Variants in SULT1A2 observed in about 807,000 individuals in gnomAD.
SULT1A2 encodes the protein sulfotransferase 1A2.
A neutral mutation model predicts 36.0 loss-of-function variants in SULT1A2; 33 were observed. The ratio of observed to expected loss-of-function variants is 0.92; its 90% CI spans 0.69 to 1.22. SULT1A2 has a LOEUF of 1.22. SULT1A2 is among the 50% of genes most tolerant of loss of function. The pLI, the probability that SULT1A2 is intolerant of heterozygous loss-of-function variation, is 0.00. For missense variants in SULT1A2, 367 were observed against 383.2 expected, an observed-to-expected ratio of 0.96 and a Z score of 0.35; for synonymous variants, 138 against 144.5, an observed-to-expected ratio of 0.96 and a Z score of 0.32.
rs1298846848 is a variant in SULT1A2, at chr16:28,593,499, C to G, written c.442G>C (p.Val148Leu). ...SYYHFYHMAK[V>L]YPHPGTWESF... ...TCCCAGGTCCCAGGGTGAGGGTACA[C>G]TTTGGCCATGTGGTAGAAGTGGTAG... The change falls in exon 5 of 8, where the codon GTG (valine) becomes CTG (leucine). Residue 148 changes from valine to leucine, a missense_variant. By Grantham distance (32) the Val-to-Leu change is conservative. Transcript: ENST00000335715. 1.2e-6 allele frequency: 2 copies of G among 1,614,084 alleles called. No individual in the cohort carries two copies. Among genetic ancestry groups the G allele is most frequent in the Middle Eastern group, 1.6e-4 (1 of 6,084 alleles).
At position 28,594,105 on chromosome 16, in the gene SULT1A2, TTTG is replaced by T. The variant is rs1199469092; in HGVS notation, c.373-540_373-538del. On this transcript the variant is annotated intron_variant, in intron 4 of 7. Coordinates refer to ENST00000335715, the MANE Select transcript of SULT1A2 (RefSeq NM_001054.4). ...CTTTTTGTTGTGGTTTTTTTTTTTTTTTGGGGGGGGGGACTCTAGGTCTCAAAA... is the reference window on the plus strand; with the variant it reads ...CTTTTTGTTGTGGTTTTTTTTTTTTTGGGGGGGGGACTCTAGGTCTCAAAA... Among the ~76,000 whole-genome samples, 4 of 135,442 alleles carry T rather than the reference TTTG, an allele frequency of 3.0e-5. No homozygotes were observed. The East Asian group carries it at 6.3e-4, about 21-fold the overall frequency. The allele number at this position is 135,442 out of a possible 152,430, so 88.9% of individuals were successfully genotyped here. A position where few individuals can be genotyped will look rare whatever the true frequency, so the allele number is the denominator to read the frequency against.
Position 28,592,266 on chromosome 16 carries a change from T to C in SULT1A2, c.772A>G (p.Lys258Glu). 1 of 1,613,898 alleles carries C rather than the reference T, an allele frequency of 6.2e-7. No individual in the cohort carries two copies. The highest frequency in any genetic ancestry group is 8.5e-7 in the Non-Finnish European group (1 of 1,179,826). Residue 258 changes from lysine (K) to glutamate (E), a missense_variant, in exon 7 of 8, where the codon AAA (lysine) becomes GAA (glutamate). Lys to Glu is a moderately conservative substitution (Grantham distance 56, BLOSUM62 1). Coordinates refer to ENST00000335715, the MANE Select transcript of SULT1A2 (RefSeq NM_001054.4). ...MDHSISPFMR[K>E]GMAGDWKTTF... is the part of the protein sequence containing the mutation. ...CCCCGTGCTGGCCGGCACCTACCTTTCCTCATGAAGGGGGAGATGCTGTGG... is the reference window on the plus strand; with the variant it reads ...CCCCGTGCTGGCCGGCACCTACCTTCCCTCATGAAGGGGGAGATGCTGTGG...
chr16:28,592,370 ATGAGGTC>A lies in SULT1A2; in HGVS notation c.661_667del (p.Asp221TrpfsTer10). On this transcript the variant is annotated frameshift_variant, in exon 7 of 8. Transcript: ENST00000335715. LOFTEE classifies it high-confidence loss of function. ...CTCCTTGAACGACGTGTGCTCAACC[ATGAGGTC>A]CACAGTCTCCTCTGGCAGGGAGCGC... The A allele has an allele frequency of 6.2e-7, 1 of 1,614,014 alleles. No homozygotes were observed.
In SULT1A2 at chr16:28,596,164, C is replaced by A. The variant is rs11569774; in HGVS notation, c.-4-230G>T. 3.7e-5 allele frequency: 50 copies of A among 1,356,736 alleles called. No individual in the cohort carries two copies. The African/African-American group carries it at 6.4e-4, about 17-fold the overall frequency. 84.0% of individuals were successfully genotyped at this position (1,356,736 alleles called of 1,614,324 possible). On this transcript the variant is annotated intron_variant, in intron 1 of 7. Transcript: ENST00000335715. ...ATTCACCTGCGGAGCTGTTCAAAAT[C>A]CCAGGGCCTGGGCCATGGTGCAGAC...
At chr16:28,593,715 T>G (rs1288910483) in intron 4 of SULT1A2, 147 bp from the exon 5 acceptor site, 19 of 1,472,086 alleles carry the variant, frequency 1.3e-5, no homozygotes, top group Middle Eastern at 1.8e-4. Flanking sequence ...CAAGTCAGGA[T>G]CTGAACCCTG....
At position 28,595,610 on chromosome 16, in the gene SULT1A2, G is replaced by C. The variant is rs759963275; in HGVS notation, c.214C>G (p.Arg72Gly). 33 of 1,614,032 alleles carry C rather than the reference G, an allele frequency of 2.0e-5. No homozygotes were observed. Among genetic ancestry groups the C allele is most frequent in the Non-Finnish European group, 2.7e-5 (32 of 1,180,024 alleles). ...YQGGDLEKCH[R>G]APIFMRVPFL... The stretch of plus-strand genomic sequence containing the variant: ...GGCACCCGCATGAAGATGGGAGCTC[G>C]GTGACACTTTTCCAGGTCACCGCCC... Residue 72 changes from arginine to glycine, a missense_variant, in exon 3 of 8, where the codon CGA (arginine) becomes GGA (glycine). Arg to Gly is a moderately radical substitution (Grantham distance 125). Coordinates refer to ENST00000335715, the MANE Select transcript of SULT1A2 (RefSeq NM_001054.4).
At chr16:28,596,184 G>A (rs1400320674) in intron 1 of SULT1A2, 45 of 1,367,762 alleles carry the variant, frequency 3.3e-5, no homozygotes, top group Middle Eastern at 2.7e-4. Flanking sequence ...GGGCCATGGT[G>A]CAGACCAGTG....
chr16:28,596,339 C>A, intron 1 of SULT1A2: 6 of 1,137,132 alleles, frequency 5.3e-6, no homozygotes, highest in Non-Finnish European at 6.5e-6. Flanking sequence ...CCTGCTGGGA[C>A]CCCCAGCCTC....
At chr16:28,595,266 T>C (rs966645848) in intron 4 of SULT1A2, 101 bp downstream of exon 4, 1 of 1,495,040 alleles carries the variant, frequency 6.7e-7, no homozygotes, top group Non-Finnish European at 9.0e-7. Flanking sequence ...GTTTTTTTTT[T>C]GGAAGAGACT....
At chr16:28,592,627 C>T (rs1327725353) in intron 6 of SULT1A2, 184 bp from the exon 7 acceptor site, 45 of 1,192,564 alleles carry the variant, frequency 3.8e-5, no homozygotes, top group Non-Finnish European at 5.0e-5. Context: ...CCTGTGATCC[C>T]ATCATGAGCT....
At position 28,593,613 on chromosome 16, in the gene SULT1A2, C is replaced by G. The variant is rs540944763; in HGVS notation, c.373-45G>C. 8.1e-6 allele frequency: 13 copies of G among 1,611,676 alleles called. No individual in the cohort carries two copies. The African/African-American group carries it at 1.3e-4, about 17-fold the overall frequency. On this transcript the variant is annotated intron_variant, in intron 4 of 7. Coordinates refer to ENST00000335715, the MANE Select transcript of SULT1A2 (RefSeq NM_001054.4). Reference sequence around the variant, plus strand: ...AACCCCAGCACCATCACCACACAGCCTGCCCCAGGCCAGCTCATCTCTTGG... The same window carrying G: ...AACCCCAGCACCATCACCACACAGCGTGCCCCAGGCCAGCTCATCTCTTGG...
At chr16:28,593,622 G>T in intron 4 of SULT1A2, 54 bp from the exon 5 acceptor site, 1 of 1,607,976 alleles carries the variant, frequency 6.2e-7, no homozygotes. Context: ...CCTGCCCCAG[G>T]CCAGCTCATC....
At position 28,595,905 on chromosome 16, in the gene SULT1A2, C is replaced by T. The variant is rs762665022; in HGVS notation, c.26G>A (p.Arg9His). The change falls in exon 2 of 8, where the codon CGC becomes CAC. Residue 9 changes from arginine (R) to histidine (H), a missense_variant. Arg to His is a conservative substitution (Grantham distance 29). Coordinates refer to ENST00000335715, the MANE Select transcript of SULT1A2 (RefSeq NM_001054.4). ...CCCCTTCACGTACTCCAGTGGCGGGCGAGAGATGTCCTGGATCAGCTCCAT... is the reference window on the plus strand; with the variant it reads ...CCCCTTCACGTACTCCAGTGGCGGGTGAGAGATGTCCTGGATCAGCTCCAT... MELIQDIS[R>H]PPLEYVKGVP... 14 of 1,594,748 alleles carry T rather than the reference C, an allele frequency of 8.8e-6. No individual in the cohort carries two copies. The highest frequency in any genetic ancestry group is 2.2e-4 in the Middle Eastern group (1 of 4,446).
rs1460668242 is a variant in SULT1A2, at chr16:28,592,672, C to G, written c.595-229G>C. On this transcript the variant is annotated intron_variant, in intron 6 of 7. Coordinates refer to ENST00000335715, the MANE Select transcript of SULT1A2 (RefSeq NM_001054.4). ...TCCTATGGGTAAGGACTGGGATGGT[C>G]TTCTTCCGTGCCTGTGGCCCTGGGT... Among the ~76,000 whole-genome samples, 18 of 152,144 alleles carry G rather than the reference C, an allele frequency of 1.2e-4. No individual in the cohort carries two copies. The East Asian group carries it at 3.5e-3, about 29-fold the overall frequency.
At position 28,592,041 on chromosome 16, in the gene SULT1A2, C is replaced by T. The variant is rs375140568; in HGVS notation, c.875G>A (p.Arg292His). 18 of 1,611,672 alleles carry T rather than the reference C, an allele frequency of 1.1e-5. No individual in the cohort carries two copies. Among genetic ancestry groups the T allele is most frequent in the Middle Eastern group, 2.2e-4 (1 of 4,458 alleles). Residue 292 changes from arginine to histidine, a missense_variant, in exon 8 of 8, where the codon CGC (arginine) becomes CAC (histidine). Physicochemically the swap from Arg to His is conservative, Grantham distance 29. Transcript: ENST00000335715. Reference sequence around the variant, plus strand: ...CAGGAACCCCTCTCACAGCTCAGAGCGGAAGCTGAGGCTGCAGCCTGCCAT... The same window carrying T: ...CAGGAACCCCTCTCACAGCTCAGAGTGGAAGCTGAGGCTGCAGCCTGCCAT... ...KKMAGCSLSF[R>H]SEL
intron 4 of SULT1A2, 73 bp from the exon 5 acceptor site, chr16:28,593,641 T>C (rs1567296042): frequency 6.3e-7 from 1 of 1,599,474 alleles, no homozygotes; most frequent in South Asian, 1.1e-5. Context: ...TCTCTTGGTT[T>C]GGCAAAGGAG....
At chr16:28,593,990 A>C (rs1234562785) in intron 4 of SULT1A2, among the ~76,000 whole-genome samples, 1 of 149,954 alleles carries the variant, frequency 6.7e-6, no homozygotes, top group African/African-American at 2.5e-5. Flanking sequence ...AAGTGAGGCG[A>C]CTCTCCCAGA....
In SULT1A2 at chr16:28,595,409, G is replaced by C. The variant is rs1434866757; in HGVS notation, c.330C>G (p.Pro110=). ...PAPRLLKTHL[P]LALLPQTLLD... is the part of the protein sequence containing the mutation. ...ACAGAGTCTGGGGGAGCAGAGCCAG[G>C]GGCAGGTGTGTCTTCAGGAGTCGTG... The change falls in exon 4 of 8, where the codon CCC becomes CCG. Residue 110 remains proline (P), a synonymous_variant. Transcript: ENST00000335715. 2.5e-5 allele frequency: 41 copies of C among 1,614,078 alleles called. No individual in the cohort carries two copies. The highest frequency in any genetic ancestry group is 3.5e-5 in the Non-Finnish European group (41 of 1,180,004).
chr16:28,596,388 A>G, intron 1 of SULT1A2: 1 of 1,090,732 alleles, frequency 9.2e-7, no homozygotes, highest in Non-Finnish European at 1.1e-6. Context: ...CCCCTCCTTG[A>G]GCCCCTCGGC....
Sources: gnomAD v4.1 joint callset for allele counts (sites outside exome capture counted in the v4.1 genomes callset) on GRCh38, gnomAD v4.1.1 for gene constraint, MANE v1.5 for transcripts, NCBI Gene and HGNC (gene_info 2026-07-23, HGNC 2026-07-21) for gene names.